The following GPN2 variants were observed in gnomAD, a reference collection of about 807,000 sequenced individuals.
GPN2 encodes the protein GPN-loop GTPase 2.
In GPN2, 27 loss-of-function variants were observed where a neutral mutation model predicts 30.1. The ratio of observed to expected loss-of-function variants is 0.90; its 90% confidence interval spans 0.66 to 1.24. GPN2 has a LOEUF of 1.24. GPN2 is among the 50% of genes most tolerant of loss of function. The pLI, the probability that GPN2 is intolerant of heterozygous loss-of-function variation, is 0.00. For missense variants in GPN2, 406 were observed against 405.4 expected, an observed-to-expected ratio of 1.00 and a Z score of -0.01; for synonymous variants, 212 against 174.4, an observed-to-expected ratio of 1.22 and a Z score of -1.70.
chr1:26,888,948 G>A (rs748158961), intron 2 of GPN2, 21 bp downstream of exon 2: 14 of 1,613,158 alleles, frequency 8.7e-6, no homozygotes, highest in Middle Eastern at 1.6e-4. Flanking sequence ...CCTGCTCTTC[G>A]CCTGGAACAG....
chr1:26,881,703 C>A (rs2081865285), intron 4 of GPN2, among the ~76,000 whole-genome samples: 1 of 152,198 alleles, frequency 6.6e-6, no homozygotes. Flanking sequence ...CACTGCACTC[C>A]AGCCTGGGCA....
Position 26,878,013 on chromosome 1 carries a change from CAG to C in GPN2, c.*1662_*1663del, listed in dbSNP as rs996553601. The C allele has an allele frequency of 1.3e-5, 2 of 152,166 alleles. No homozygotes were observed. The highest frequency in any genetic ancestry group is 2.9e-5 in the Non-Finnish European group (2 of 68,048). 9.4% of individuals were successfully genotyped at this position (152,166 alleles called of 1,614,324 possible). On this transcript the variant is annotated 3_prime_UTR_variant, in exon 5 of 5. Transcript: ENST00000374135. Reference sequence around the variant, plus strand: ...TGCCACTGGACTCCAGCCTGGGCGACAGAGAGAGACTTTGTCTCCAAAAAAAG... The same window carrying C: ...TGCCACTGGACTCCAGCCTGGGCGACAGAGAGACTTTGTCTCCAAAAAAAG...
At position 26,890,242 on chromosome 1, in the gene GPN2, G is replaced by T. The variant is rs1375212133; in HGVS notation, c.-146C>A. On this transcript the variant is annotated 5_prime_UTR_variant, in exon 1 of 5. Coordinates refer to ENST00000374135, the MANE Select transcript of GPN2 (RefSeq NM_018066.4). ...CGCCTCAGGCGGAACAGCTGAGACC[G>T]TGTCGCGCAAAAGGAGATAACAGGC... The T allele has an allele frequency of 2.9e-6, 2 of 693,212 alleles. No individual in the cohort carries two copies. Among genetic ancestry groups the T allele is most frequent in the South Asian group, 2.2e-5 (1 of 46,342 alleles). The allele number at this position is 693,212 out of a possible 1,614,324, so 42.9% of individuals were successfully genotyped here.
At position 26,890,273 on chromosome 1, in the gene GPN2, C is replaced by T. The variant is rs138025056; in HGVS notation, c.-177G>A. On this transcript the variant is annotated 5_prime_UTR_variant, in exon 1 of 5. Coordinates refer to ENST00000374135, the MANE Select transcript of GPN2 (RefSeq NM_018066.4). Reference sequence around the variant, plus strand: ...CGCAAAAGGAGATAACAGGCCGATACTAACTAGACTAACTCGACTTCCGGA... The same window carrying T: ...CGCAAAAGGAGATAACAGGCCGATATTAACTAGACTAACTCGACTTCCGGA... The T allele has an allele frequency of 6.5e-4, 336 of 512,984 alleles. 2 individuals carry two copies. The East Asian group carries it at 8.3e-3, about 13-fold the overall frequency. The allele number at this position is 512,984 out of a possible 1,614,324, so 31.8% of individuals were successfully genotyped here.
At chr1:26,888,206 A>G (rs774375281) in intron 2 of GPN2, among the ~76,000 whole-genome samples, 1 of 152,042 alleles carries the variant, frequency 6.6e-6, no homozygotes, top group Non-Finnish European at 1.5e-5. Context: ...CTGGGACTCT[A>G]GCCAACTCCC....
chr1:26,889,308 A>C (rs557067565), intron 1 of GPN2, among the ~76,000 whole-genome samples, 183 bp from the exon 2 acceptor site: 2 of 151,952 alleles, frequency 1.3e-5, no homozygotes, highest in African/African-American at 4.8e-5. Context: ...TTTTCTTACA[A>C]GAGGTCTTGC....
Position 26,890,076 on chromosome 1 carries a change from G to C in GPN2, c.21C>G (p.Thr7=). MAGAAP[T]TAFGQAVIGP... Reference sequence around the variant, plus strand: ...CGATCACCGCCTGCCCGAAGGCCGTGGTCGGAGCGGCCCCTGCCATTGGCG... The same window carrying C: ...CGATCACCGCCTGCCCGAAGGCCGTCGTCGGAGCGGCCCCTGCCATTGGCG... The change falls in exon 1 of 5, where the codon ACC becomes ACG. Residue 7 remains threonine, a synonymous_variant. Coordinates refer to ENST00000374135, the MANE Select transcript of GPN2 (RefSeq NM_018066.4). 2.6e-6 allele frequency: 4 copies of C among 1,555,252 alleles called. No homozygotes were observed. The South Asian group carries it at 4.7e-5, about 18-fold the overall frequency.
chr1:26,888,765 C>G (rs1049213152), intron 2 of GPN2: 2 of 633,666 alleles, frequency 3.2e-6, no homozygotes, highest in Non-Finnish European at 5.7e-6. Context: ...ACACCTAACA[C>G]CATCTGTAGC....
intron 2 of GPN2, among the ~76,000 whole-genome samples, chr1:26,887,539 A>G (rs186829964): frequency 1.9e-4 from 29 of 151,590 alleles, no homozygotes; most frequent in Admixed American, 1.6e-3. Flanking sequence ...TTAGGGAACA[A>G]TGTCCCCAGT....
At chr1:26,884,973 T>C (rs2081883291) in intron 3 of GPN2, among the ~76,000 whole-genome samples, 1 of 151,932 alleles carries the variant, frequency 6.6e-6, no homozygotes, top group Admixed American at 6.6e-5. Flanking sequence ...AGAGTGAGAC[T>C]CCGTCACAAA....
chr1:26,881,320 T>C (rs897572922), intron 4 of GPN2, among the ~76,000 whole-genome samples: 2 of 152,192 alleles, frequency 1.3e-5, no homozygotes, highest in African/African-American at 4.8e-5. Context: ...TTAGCTGCAT[T>C]TGGGCAAAAT....
intron 1 of GPN2, 43 bp from the exon 2 acceptor site, chr1:26,889,168 G>A (rs772265394): frequency 4.6e-6 from 7 of 1,515,548 alleles, no homozygotes; most frequent in Non-Finnish European, 9.1e-7. Context: ...GGAGAAACAG[G>A]GATCAGCATT....
intron 2 of GPN2, among the ~76,000 whole-genome samples, chr1:26,886,686 C>T (rs1325191756): frequency 1.3e-5 from 2 of 152,038 alleles, no homozygotes; most frequent in African/African-American, 2.4e-5. Context: ...GGCGTGGTGG[C>T]GGGTGCCTGT....
At chr1:26,879,854 C>T in intron 4 of GPN2, 105 bp from the exon 5 acceptor site, 1 of 744,572 alleles carries the variant, frequency 1.3e-6, no homozygotes. Flanking sequence ...ATGTCCATCC[C>T]TCTCTTCCTC....
chr1:26,888,739 CTT>C (rs2081904243), intron 2 of GPN2, among the ~76,000 whole-genome samples: 1 of 152,246 alleles, frequency 6.6e-6, no homozygotes, highest in Non-Finnish European at 1.5e-5. Flanking sequence ...TGTCGTATCA[CTT>C]TAATTCCTTT....
At chr1:26,880,302 G>A (rs1335536691) in intron 4 of GPN2, among the ~76,000 whole-genome samples, 1 of 152,114 alleles carries the variant, frequency 6.6e-6, no homozygotes, top group Non-Finnish European at 1.5e-5. Context: ...AATGATGTTC[G>A]AGTTACAGAC....
At chr1:26,884,744 G>C (rs1164701558) in intron 3 of GPN2, among the ~76,000 whole-genome samples, 1 of 152,220 alleles carries the variant, frequency 6.6e-6, no homozygotes, top group Non-Finnish European at 1.5e-5. Context: ...CACTTTGGGA[G>C]GCCAAGGCAG....
Position 26,876,950 on chromosome 1 carries a change from T to G in GPN2, c.*2727A>C, listed in dbSNP as rs546902248. 2 of 151,728 alleles carry G rather than the reference T, an allele frequency of 1.3e-5. No homozygotes were observed. Among genetic ancestry groups the G allele is most frequent in the African/African-American group, 4.8e-5 (2 of 41,382 alleles). The allele number at this position is 151,728 out of a possible 1,614,324, so 9.4% of individuals were successfully genotyped here. On this transcript the variant is annotated 3_prime_UTR_variant, in exon 5 of 5. Coordinates refer to ENST00000374135, the MANE Select transcript of GPN2 (RefSeq NM_018066.4). ...TTGTTATGGTGAGAGCTGGGGCCTCTGTGAGTGGCAAGCATCAAAACCCAC... is the reference window on the plus strand; with the variant it reads ...TTGTTATGGTGAGAGCTGGGGCCTCGGTGAGTGGCAAGCATCAAAACCCAC...
In GPN2 at chr1:26,889,897, C is replaced by A. The variant is rs1286814848; in HGVS notation, c.200G>T (p.Gly67Val). 1.2e-6 allele frequency: 2 copies of A among 1,610,952 alleles called. No individual in the cohort carries two copies. The highest frequency in any genetic ancestry group is 8.5e-7 in the Non-Finnish European group (1 of 1,178,554). The part of the protein sequence containing the change: ...AVDVGELVGL[G>V]DVMDALRLGP... ...CAGGCGCAGCGCGTCCATCACGTCG[C>A]CCAGCCCCACCAGCTCGCCCACGTC... Residue 67 changes from glycine to valine, a missense_variant, in exon 1 of 5, where the codon GGC becomes GTC. Transcript: ENST00000374135.
Sources: gnomAD v4.1 joint callset for allele counts (sites outside exome capture counted in the v4.1 genomes callset) on GRCh38, gnomAD v4.1.1 for gene constraint, MANE v1.5 for transcripts, NCBI Gene and HGNC (gene_info 2026-07-23, HGNC 2026-07-21) for gene names.